Variants in USP34 observed in about 807,000 individuals in gnomAD.
The protein encoded by USP34 is ubiquitin specific peptidase 34, also known as ubiquitin carboxyl-terminal hydrolase 34.
Under a neutral mutation model 460.3 loss-of-function variants are expected in USP34, and 70 were observed. The observed-to-expected ratio is 0.15, with a 90% CI of 0.13 to 0.19. The LOEUF (loss-of-function observed/expected upper bound fraction) is 0.19. USP34 is among the 10% of genes least tolerant of loss of function. The pLI, the probability that USP34 is intolerant of heterozygous loss-of-function variation, is 1.00. For missense variants in USP34, 3,985 were observed against 4,236.2 expected, an observed-to-expected ratio of 0.94 and a Z score of 1.65; for synonymous variants, 1,647 against 1,405.3, an observed-to-expected ratio of 1.17 and a Z score of -3.85.
At chr2:61,398,519 C>T (rs1290069505) in intron 3 of USP34, among the ~76,000 whole-genome samples, 7 of 99,456 alleles carry the variant, frequency 7.0e-5, no homozygotes, top group Non-Finnish European at 1.1e-4. Flanking sequence ...GGGAAGGAGG[C>T]GGAAGCGGGG....
At chr2:61,230,572 T>C (rs1413605754) in intron 58 of USP34, among the ~76,000 whole-genome samples, 1 of 151,440 alleles carries the variant, frequency 6.6e-6, no homozygotes, top group East Asian at 1.9e-4. Context: ...AGTTTACCGC[T>C]GGTGCAGTGG....
intron 2 of USP34, among the ~76,000 whole-genome samples, chr2:61,413,131 C>A (rs1216751494): frequency 3.3e-5 from 5 of 152,140 alleles, no homozygotes; most frequent in African/African-American, 1.2e-4. Flanking sequence ...CGCGGTGGCT[C>A]ATGCCTGTAA....
In USP34 at chr2:61,373,313, T is replaced by C. The variant is rs114311997; in HGVS notation, c.1077-2734A>G. Among the ~76,000 whole-genome samples, 687 of 150,524 alleles carry C rather than the reference T, an allele frequency of 4.6e-3. 3 individuals carry two copies. The highest frequency in any genetic ancestry group is 0.016 in the African/African-American group (654 of 41,210). ...GCAAAATGAGATGTAAAACAAGCTA[T>C]ATAAAATTATTAGTGAATTAAGAAC... On this transcript the variant is annotated intron_variant, in intron 8 of 79. Transcript: ENST00000398571.
At chr2:61,269,200 C>T (rs1299897395) in intron 41 of USP34, among the ~76,000 whole-genome samples, 1 of 152,154 alleles carries the variant, frequency 6.6e-6, no homozygotes, top group African/African-American at 2.4e-5. Context: ...CTCACTCTAT[C>T]ACCCAGGCTA....
At chr2:61,200,705 T>C (rs958965579) in intron 75 of USP34, 12 of 152,270 alleles carry the variant, frequency 7.9e-5, no homozygotes, top group African/African-American at 2.9e-4. Flanking sequence ...AACTTACCCT[T>C]TTCATTTCTT....
chr2:61,458,416 C>T (rs894352332), intron 1 of USP34, among the ~76,000 whole-genome samples: 3 of 151,524 alleles, frequency 2.0e-5, no homozygotes, highest in Non-Finnish European at 4.4e-5. Flanking sequence ...CAAAAATTAG[C>T]CGGGCGTGGT....
At chr2:61,247,546 A>G (rs1181316945) in intron 49 of USP34, among the ~76,000 whole-genome samples, 1 of 152,182 alleles carries the variant, frequency 6.6e-6, no homozygotes, top group African/African-American at 2.4e-5. Context: ...TTTTTTTCAA[A>G]TAGATGGAGT....
At chr2:61,311,933 CAT>C (rs1313199857) in intron 25 of USP34, 23 bp from the exon 26 acceptor site, 2 of 1,607,340 alleles carry the variant, frequency 1.2e-6, no homozygotes, top group African/African-American at 1.3e-5. Flanking sequence ...ACAAACAACA[CAT>C]AGAAAGGATA....
At chr2:61,209,114 G>T (rs895044772) in intron 69 of USP34, 137 bp from the exon 70 acceptor site, 1 of 437,556 alleles carries the variant, frequency 2.3e-6, no homozygotes, top group African/African-American at 2.0e-5. Context: ...TGCTTCATCT[G>T]TTTCCTGGAA....
At chr2:61,445,470 G>A (rs569161297) in intron 1 of USP34, among the ~76,000 whole-genome samples, 6 of 149,170 alleles carry the variant, frequency 4.0e-5, no homozygotes, top group African/African-American at 1.5e-4. Context: ...GGGAGGCAGA[G>A]TTTGCAGTGA....
At chr2:61,463,005 G>A (rs972841281) in intron 1 of USP34, among the ~76,000 whole-genome samples, 2 of 151,656 alleles carry the variant, frequency 1.3e-5, no homozygotes, top group African/African-American at 2.4e-5. Context: ...ACTCCAGCCT[G>A]GATGACAGAA....
At chr2:61,435,838 G>T (rs1388850933) in intron 1 of USP34, among the ~76,000 whole-genome samples, 1 of 151,992 alleles carries the variant, frequency 6.6e-6, no homozygotes, top group Admixed American at 6.6e-5. Flanking sequence ...AGACCAGCCT[G>T]GCCAATATAG....
At chr2:61,363,248 G>C (rs1340160163) in intron 10 of USP34, among the ~76,000 whole-genome samples, 1 of 152,162 alleles carries the variant, frequency 6.6e-6, no homozygotes, top group Non-Finnish European at 1.5e-5. Flanking sequence ...GAACCCTCTG[G>C]TATCACTGGT....
At chr2:61,394,785 T>C in intron 5 of USP34, 68 bp downstream of exon 5, 2 of 1,271,144 alleles carry the variant, frequency 1.6e-6, no homozygotes, top group Non-Finnish European at 2.1e-6. Context: ...TTTCAGAGCA[T>C]AAAATTCATG....
At chr2:61,239,943 G>A (rs1313726371) in intron 53 of USP34, among the ~76,000 whole-genome samples, 1 of 151,164 alleles carries the variant, frequency 6.6e-6, no homozygotes, top group Non-Finnish European at 1.5e-5. Flanking sequence ...CCCAGAAGGT[G>A]GAGCTTGCAG....
intron 2 of USP34, among the ~76,000 whole-genome samples, chr2:61,409,008 C>A (rs2103943348): frequency 6.6e-6 from 1 of 151,240 alleles, no homozygotes; most frequent in South Asian, 2.1e-4. Flanking sequence ...TGACTAGAGG[C>A]CAGGAGTTCA....
rs200344631 is a variant in USP34 at position 61,394,120 on chromosome 2, C to CA, written c.753+732dup. 6.2e-3 allele frequency among the ~76,000 whole-genome samples: 942 copies of CA among 151,966 alleles called. 9 individuals carry two copies. Among genetic ancestry groups the CA allele is most frequent in the African/African-American group, 0.021 (885 of 41,436 alleles). ...TGGGGAACAAAGTGAGACTCCGTGT[C>CA]AAAAAAATAAATAAAAGTATCTTTC... On this transcript the variant is annotated intron_variant, in intron 5 of 79. Coordinates refer to ENST00000398571, the MANE Select transcript of USP34 (RefSeq NM_014709.4).
chr2:61,387,858 T>C (rs1352788571), intron 5 of USP34, among the ~76,000 whole-genome samples: 2 of 146,028 alleles, frequency 1.4e-5, no homozygotes, highest in Non-Finnish European at 3.0e-5. Context: ...CATGTAAAAA[T>C]ATATATTTTT....
At chr2:61,238,222 G>A (rs1245534188) in intron 53 of USP34, among the ~76,000 whole-genome samples, 1 of 152,030 alleles carries the variant, frequency 6.6e-6, no homozygotes, top group Non-Finnish European at 1.5e-5. Context: ...CTACCTAACT[G>A]TCCATCCTCA....
Sources: allele counts gnomAD v4.1 joint callset (sites outside exome capture counted in the v4.1 genomes callset), GRCh38; gene constraint gnomAD v4.1.1; transcripts MANE v1.5; gene names NCBI Gene and HGNC (gene_info 2026-07-23, HGNC 2026-07-21).